Variants in SBF2 observed in about 807,000 individuals in gnomAD.
SBF2 encodes the protein myotubularin-related protein 13.
In SBF2, 112 loss-of-function variants were observed where a neutral mutation model predicts 225.2. The observed-to-expected ratio is 0.50, with a 90% CI of 0.43 to 0.58. The LOEUF is 0.58. SBF2 is among the 20% of genes least tolerant of loss of function. The pLI, the probability that SBF2 is intolerant of heterozygous loss-of-function variation, is 0.00. For missense variants in SBF2, 1,996 were observed against 2,206.2 expected, an observed-to-expected ratio of 0.90 and a Z score of 1.91; for synonymous variants, 763 against 773.3, an observed-to-expected ratio of 0.99 and a Z score of 0.22.
intron 6 of SBF2, among the ~76,000 whole-genome samples, chr11:10,013,721 C>A: frequency 6.6e-6 from 1 of 152,214 alleles, no homozygotes; most frequent in Non-Finnish European, 1.5e-5. Flanking sequence ...TATCTCATCT[C>A]TCACCAAAAT....
chr11:9,864,711 C>A (rs1159163545), intron 17 of SBF2, among the ~76,000 whole-genome samples: 1 of 151,964 alleles, frequency 6.6e-6, no homozygotes, highest in Non-Finnish European at 1.5e-5. Context: ...AACCATTTAG[C>A]CTTCTAATGA....
At chr11:10,194,667 T>C (rs373374395) in intron 1 of SBF2, among the ~76,000 whole-genome samples, 1 of 152,084 alleles carries the variant, frequency 6.6e-6, no homozygotes, top group Non-Finnish European at 1.5e-5. Context: ...CCCACCACCA[T>C]GCCCAGGTAA....
intron 16 of SBF2, among the ~76,000 whole-genome samples, chr11:9,955,639 T>C (rs1349795497): frequency 2.0e-5 from 3 of 152,052 alleles, no homozygotes; most frequent in Non-Finnish European, 2.9e-5. Context: ...TACAAAATGT[T>C]TGAAGTGAGT....
rs572168879 is a variant in SBF2 at position 10,036,064 on chromosome 11, T to C, written c.280-4894A>G. Among the ~76,000 whole-genome samples, 11 of 152,270 alleles carry C rather than the reference T, an allele frequency of 7.2e-5. No individual in the cohort carries two copies. The East Asian group carries it at 1.7e-3, about 24-fold the overall frequency. On this transcript the variant is annotated intron_variant, in intron 3 of 39. Transcript: ENST00000256190. ...AAGCAAATGTGGCACATATACACCA[T>C]GGAATACTATGCAGCCATAAAAAAG...
intron 1 of SBF2, among the ~76,000 whole-genome samples, chr11:10,262,454 C>T (rs1351465905): frequency 1.3e-5 from 2 of 152,146 alleles, no homozygotes; most frequent in African/African-American, 4.8e-5. Flanking sequence ...TCACCCTCAG[C>T]CTTCTGAACC....
chr11:10,084,273 T>C (rs1052928612), intron 2 of SBF2, among the ~76,000 whole-genome samples: 4 of 150,730 alleles, frequency 2.7e-5, no homozygotes, highest in African/African-American at 9.7e-5. Flanking sequence ...GCAAAAGACA[T>C]GAACAGGCAT....
At chr11:9,798,653 T>C (rs908765237) in intron 32 of SBF2, among the ~76,000 whole-genome samples, 4 of 152,118 alleles carry the variant, frequency 2.6e-5, no homozygotes, top group African/African-American at 7.2e-5. Flanking sequence ...AAATCTTTAT[T>C]AAAGCCTCAA....
At chr11:9,915,862 G>A (rs555712407) in intron 16 of SBF2, among the ~76,000 whole-genome samples, 14 of 152,196 alleles carry the variant, frequency 9.2e-5, no homozygotes, top group African/African-American at 1.2e-4. Context: ...CCAAGAGTTC[G>A]AGACCAGCCT....
intron 2 of SBF2, among the ~76,000 whole-genome samples, chr11:10,169,040 C>G (rs971046141): frequency 6.6e-6 from 1 of 151,974 alleles, no homozygotes; most frequent in Non-Finnish European, 1.5e-5. Flanking sequence ...TCAATGAAAT[C>G]TTTTTTGAAT....
intron 16 of SBF2, among the ~76,000 whole-genome samples, chr11:9,939,518 A>T (rs1195879153): frequency 2.0e-5 from 3 of 152,222 alleles, no homozygotes; most frequent in African/African-American, 7.2e-5. Flanking sequence ...ATATTTACTG[A>T]AACTTTTCAT....
At chr11:10,219,387 A>AG (rs1958255218) in intron 1 of SBF2, among the ~76,000 whole-genome samples, 1 of 152,168 alleles carries the variant, frequency 6.6e-6, no homozygotes, top group African/African-American at 2.4e-5. Context: ...TGCACACAGC[A>AG]GGGGGGCCCT....
At chr11:10,265,210 C>T (rs1410056726) in intron 1 of SBF2, among the ~76,000 whole-genome samples, 19 of 152,080 alleles carry the variant, frequency 1.2e-4, no homozygotes, top group Admixed American at 9.2e-4. Flanking sequence ...AATGTAAAAG[C>T]ATTCCTATTT....
rs1857476676 is a variant in SBF2 at position 9,858,413 on chromosome 11, A to T, written c.1930-17T>A. 6.2e-7 allele frequency: 1 copy of T among 1,613,794 alleles called. No individual in the cohort carries two copies. The highest frequency in any genetic ancestry group is 1.3e-5 in the African/African-American group (1 of 74,922). Reference sequence around the variant, plus strand: ...GGCAAGTTTCTGTGAGAACACACAAAATACATCATCATGGGGCTGGCAGAA... The same window carrying T: ...GGCAAGTTTCTGTGAGAACACACAATATACATCATCATGGGGCTGGCAGAA... On this transcript the variant is annotated splice_polypyrimidine_tract_variant and intron_variant, in intron 17 of 39. Coordinates refer to ENST00000256190, the MANE Select transcript of SBF2 (RefSeq NM_030962.4).
At chr11:9,833,405 T>C (rs527604915) in intron 26 of SBF2, among the ~76,000 whole-genome samples, 74 of 149,272 alleles carry the variant, frequency 5.0e-4, no homozygotes, top group African/African-American at 1.6e-3. Flanking sequence ...ACTAATCCTA[T>C]ATCTTTTTTT....
chr11:10,058,312 A>G (rs1239142492), intron 2 of SBF2, among the ~76,000 whole-genome samples: 1 of 152,220 alleles, frequency 6.6e-6, no homozygotes, highest in Non-Finnish European at 1.5e-5. Flanking sequence ...CTAGTATGAA[A>G]AAGAACCTAA....
intron 1 of SBF2, among the ~76,000 whole-genome samples, chr11:10,207,779 T>C (rs1377271806): frequency 6.6e-6 from 1 of 152,046 alleles, no homozygotes; most frequent in Non-Finnish European, 1.5e-5. Context: ...GGCACAATAA[T>C]TAATATTTTT....
chr11:10,108,611 G>A (rs112982411), intron 2 of SBF2, among the ~76,000 whole-genome samples: 7,949 of 131,264 alleles, frequency 0.061, 271 homozygotes, highest in Middle Eastern at 0.18. Flanking sequence ...TGCAAGCTCC[G>A]CCTCCCGGGT....
intron 1 of SBF2, among the ~76,000 whole-genome samples, chr11:10,243,934 T>G (rs1157844753): frequency 6.6e-6 from 1 of 152,160 alleles, no homozygotes; most frequent in Non-Finnish European, 1.5e-5. Flanking sequence ...AAATTTGTAA[T>G]CTTCTTTTAT....
chr11:9,926,158 G>C (rs1438396255), intron 16 of SBF2, among the ~76,000 whole-genome samples: 2 of 152,014 alleles, frequency 1.3e-5, no homozygotes, highest in Non-Finnish European at 2.9e-5. Flanking sequence ...TAGTCTCCTT[G>C]TTTTTTTCCC....
Sources: allele counts gnomAD v4.1 joint callset (sites outside exome capture counted in the v4.1 genomes callset), GRCh38; gene constraint gnomAD v4.1.1; transcripts MANE v1.5; gene names NCBI Gene and HGNC (gene_info 2026-07-23, HGNC 2026-07-21).